Variants in FRMD4A observed in about 807,000 individuals in gnomAD.
The protein encoded by FRMD4A is FERM domain-containing protein 4A.
A neutral mutation model predicts 129.1 loss-of-function variants in FRMD4A; 29 were observed. That is an observed-to-expected ratio of 0.22 (90% confidence interval 0.17 to 0.31). The LOEUF (loss-of-function observed/expected upper bound fraction) is 0.31. Among genes scored for constraint, FRMD4A ranks in the 10% least tolerant of loss-of-function variants. The pLI is 1.00. For missense variants in FRMD4A, 1,272 were observed against 1,375.8 expected, an observed-to-expected ratio of 0.92 and a Z score of 1.19; for synonymous variants, 634 against 571.6, an observed-to-expected ratio of 1.11 and a Z score of -1.56.
intron 5 of FRMD4A, among the ~76,000 whole-genome samples, chr10:13,787,298 C>T (rs2092889356): frequency 6.6e-6 from 1 of 152,166 alleles, no homozygotes. Context: ...CTTTCCCTCC[C>T]TGCCAGGGAA....
intron 2 of FRMD4A, among the ~76,000 whole-genome samples, chr10:14,207,855 A>G (rs779994124): frequency 3.9e-5 from 6 of 152,162 alleles, no homozygotes; most frequent in Non-Finnish European, 7.3e-5. Context: ...ATAAGCATAC[A>G]TTACTTCTGT....
chr10:13,799,829 GGT>G (rs1398640415), intron 4 of FRMD4A, among the ~76,000 whole-genome samples: 2 of 151,996 alleles, frequency 1.3e-5, no homozygotes, highest in African/African-American at 4.8e-5. Context: ...CAGGGCTTCT[GGT>G]GTGTGTCATC....
At chr10:14,218,789 T>C (rs370772560) in intron 2 of FRMD4A, among the ~76,000 whole-genome samples, 1 of 151,682 alleles carries the variant, frequency 6.6e-6, no homozygotes, top group Non-Finnish European at 1.5e-5. Context: ...ACTCTATCTC[T>C]ACTAAAAATA....
At chr10:13,743,892 C>T (rs2091149427) in intron 9 of FRMD4A, among the ~76,000 whole-genome samples, 1 of 152,104 alleles carries the variant, frequency 6.6e-6, no homozygotes, top group African/African-American at 2.4e-5. Flanking sequence ...AGACAATTTT[C>T]CCATACCCTA....
At chr10:14,106,614 A>G (rs1278300584) in intron 2 of FRMD4A, among the ~76,000 whole-genome samples, 3 of 152,214 alleles carry the variant, frequency 2.0e-5, no homozygotes, top group Non-Finnish European at 4.4e-5. Flanking sequence ...CTGGATCTCA[A>G]TGTCACCAAC....
intron 3 of FRMD4A, among the ~76,000 whole-genome samples, chr10:13,838,991 C>CT (rs373871027): frequency 0.46 from 43,631 of 95,618 alleles, 11,397 homozygotes; most frequent in South Asian, 0.69. Context: ...GAATAATTTC[C>CT]TTTTTTTTTT....
intron 2 of FRMD4A, among the ~76,000 whole-genome samples, chr10:13,998,809 T>C (rs961666996): frequency 1.5e-4 from 23 of 152,348 alleles, no homozygotes; most frequent in African/African-American, 4.8e-4. Flanking sequence ...AAGATGATTG[T>C]ACTAGTAACC....
chr10:14,056,112 A>G (rs534618142), intron 2 of FRMD4A, among the ~76,000 whole-genome samples: 1 of 151,756 alleles, frequency 6.6e-6, no homozygotes, highest in South Asian at 2.1e-4. Flanking sequence ...ACTTACTGCA[A>G]CCTCCACCTC....
intron 5 of FRMD4A, among the ~76,000 whole-genome samples, chr10:13,787,307 A>T (rs557472939): frequency 6.6e-6 from 1 of 152,136 alleles, no homozygotes; most frequent in Non-Finnish European, 1.5e-5. Flanking sequence ...CCTGCCAGGG[A>T]ACGGCTGAGT....
chr10:14,230,292 A>C (rs1409918701), intron 2 of FRMD4A, among the ~76,000 whole-genome samples: 1 of 152,202 alleles, frequency 6.6e-6, no homozygotes, highest in Non-Finnish European at 1.5e-5. Flanking sequence ...AAGAATGGTT[A>C]AGAACGTGGA....
chr10:13,782,621 T>G (rs1289715755), intron 6 of FRMD4A, among the ~76,000 whole-genome samples: 9 of 152,074 alleles, frequency 5.9e-5, no homozygotes, highest in Admixed American at 4.6e-4. Context: ...TTTTTATATT[T>G]TTAGTAGAGA....
chr10:13,707,912 T>C (rs1277769322), intron 12 of FRMD4A: 2 of 984,680 alleles, frequency 2.0e-6, no homozygotes, highest in Non-Finnish European at 2.4e-6. Context: ...CTGACTGTAA[T>C]GTTTGGAAGT....
chr10:13,712,700 G>A (rs72769529), intron 12 of FRMD4A, among the ~76,000 whole-genome samples: 12,687 of 152,152 alleles, frequency 0.083, 607 homozygotes, highest in Non-Finnish European at 0.1. Flanking sequence ...CTCCCAATGC[G>A]ATCACAGGTC....
chr10:14,019,401 T>C (rs911155115), intron 2 of FRMD4A, among the ~76,000 whole-genome samples: 3 of 152,200 alleles, frequency 2.0e-5, no homozygotes, highest in African/African-American at 7.2e-5. Context: ...ATCCAAGACA[T>C]GCCATCATAA....
At chr10:13,865,459 T>C (rs1169818276) in intron 2 of FRMD4A, among the ~76,000 whole-genome samples, 2 of 140,688 alleles carry the variant, frequency 1.4e-5, no homozygotes, top group Non-Finnish European at 3.1e-5. Flanking sequence ...TTTTATTTTA[T>C]TTATTTTTAT....
At chr10:13,750,905 T>G (rs2091590623) in intron 8 of FRMD4A, among the ~76,000 whole-genome samples, 1 of 152,160 alleles carries the variant, frequency 6.6e-6, no homozygotes, top group Non-Finnish European at 1.5e-5. Context: ...AGTATTCAAT[T>G]CACCAAACAC....
At chr10:14,261,459 T>C (rs759740024) in intron 2 of FRMD4A, among the ~76,000 whole-genome samples, 41 of 152,212 alleles carry the variant, frequency 2.7e-4, no homozygotes, top group Non-Finnish European at 8.8e-5. Flanking sequence ...TGCTCACCAA[T>C]GGCTCTAACG....
At chr10:13,933,337 G>A (rs1177149282) in intron 2 of FRMD4A, among the ~76,000 whole-genome samples, 1 of 152,130 alleles carries the variant, frequency 6.6e-6, no homozygotes, top group African/African-American at 2.4e-5. Context: ...GTAACCAATG[G>A]AATCGTCTGG....
At chr10:14,312,608 A>G (rs1042832658) in intron 2 of FRMD4A, among the ~76,000 whole-genome samples, 3 of 152,228 alleles carry the variant, frequency 2.0e-5, no homozygotes, top group Non-Finnish European at 4.4e-5. Flanking sequence ...ATGTCTATCA[A>G]TGAGGGATTG....
Sources: allele counts gnomAD v4.1 joint callset (sites outside exome capture counted in the v4.1 genomes callset), GRCh38; gene constraint gnomAD v4.1.1; transcripts MANE v1.5; gene names NCBI Gene and HGNC (gene_info 2026-07-23, HGNC 2026-07-21).